Variants in HDLBP observed in about 807,000 individuals in gnomAD.
HDLBP encodes high density lipoprotein binding protein.
HDLBP carries 30 observed loss-of-function variants against 137.3 expected under a neutral mutation model. The observed-to-expected ratio is 0.22, with a 90% confidence interval of 0.16 to 0.30. The LOEUF (loss-of-function observed/expected upper bound fraction) is 0.30. Among genes scored for constraint, HDLBP ranks in the 10% least tolerant of loss-of-function variants. The pLI is 1.00. For missense variants in HDLBP, 1,119 were observed against 1,667.3 expected (o/e 0.67, Z 5.73); for synonymous variants, 606 against 596.0 (o/e 1.02, Z -0.24).
intron 24 of HDLBP, among the ~76,000 whole-genome samples, chr2:241,232,991 G>A (rs1191904309): frequency 1.4e-5 from 2 of 142,490 alleles, no homozygotes; most frequent in Non-Finnish European, 3.1e-5. Flanking sequence ...GGAAGAAGGG[G>A]AAGGGGAAGG....
intron 1 of HDLBP, among the ~76,000 whole-genome samples, chr2:241,292,531 A>G (rs2075043025): frequency 6.6e-6 from 1 of 152,212 alleles, no homozygotes; most frequent in African/African-American, 2.4e-5. Flanking sequence ...CAGAATAAAT[A>G]TTAGATAATA....
Position 241,255,038 on chromosome 2 carries a change from A to T in HDLBP, c.1188+13T>A. On this transcript the variant is annotated intron_variant, in intron 9 of 27. Coordinates refer to ENST00000310931, the MANE Select transcript of HDLBP (RefSeq NM_005336.6). ...GACAAATTCAATACAACAGGTGAAA[A>T]ACGTGTCCTTACCTTTGGCATCTGC... The T allele has an allele frequency of 6.4e-7, 1 of 1,570,390 alleles. No homozygotes were observed. The highest frequency in any genetic ancestry group is 8.8e-7 in the Non-Finnish European group (1 of 1,140,168).
rs2069358389 is a variant in HDLBP at position 241,228,625 on chromosome 2, T to G, written c.*976A>C. 6.6e-6 allele frequency: 1 copy of G among 152,178 alleles called. No individual in the cohort carries two copies. The highest frequency in any genetic ancestry group is 2.1e-4 in the South Asian group (1 of 4,804). The allele number at this position is 152,178 out of a possible 1,614,324, so 9.4% of individuals were successfully genotyped here. A position where few individuals can be genotyped will look rare whatever the true frequency, so the allele number is the denominator to read the frequency against. ...GGGAAACCCATAACCACCAGAAACA[T>G]CTCAATCAAGAGACGGGTGTGTGGG... On this transcript the variant is annotated 3_prime_UTR_variant, in exon 28 of 28. Transcript: ENST00000310931.
At chr2:241,245,301 A>C (rs529825607) in intron 16 of HDLBP, among the ~76,000 whole-genome samples, 2 of 151,820 alleles carry the variant, frequency 1.3e-5, no homozygotes, top group Admixed American at 1.3e-4. Flanking sequence ...CTCTCACCTC[A>C]ACCTCCTGAG....
At chr2:241,255,670 A>G (rs1050913801) in intron 7 of HDLBP, 90 bp from the exon 8 acceptor site, 6 of 969,172 alleles carry the variant, frequency 6.2e-6, no homozygotes, top group Non-Finnish European at 1.0e-5. Context: ...AGCAAGCCAA[A>G]GCGGCCCAGA....
At chr2:241,301,613 C>T (rs189075696) in intron 1 of HDLBP, among the ~76,000 whole-genome samples, 89 of 152,112 alleles carry the variant, frequency 5.9e-4, no homozygotes, top group Non-Finnish European at 1.1e-3. Context: ...ATAAAGAAGA[C>T]AAAGCAAAGG....
At chr2:241,312,655 CAA>C (rs1021490418) in intron 1 of HDLBP, among the ~76,000 whole-genome samples, 20 of 152,218 alleles carry the variant, frequency 1.3e-4, no homozygotes, top group African/African-American at 4.6e-4. Context: ...TACTTCTTAC[CAA>C]AAGAGGGAAA....
At chr2:241,258,095 AT>A (rs1167788450) in intron 5 of HDLBP, among the ~76,000 whole-genome samples, 2 of 152,112 alleles carry the variant, frequency 1.3e-5, no homozygotes, top group Non-Finnish European at 2.9e-5. Context: ...TTCTACAAAA[AT>A]TTTAAAAATA....
chr2:241,258,066 C>A (rs1370350749), intron 5 of HDLBP, among the ~76,000 whole-genome samples: 3 of 152,084 alleles, frequency 2.0e-5, no homozygotes, highest in Admixed American at 6.6e-5. Context: ...TCAGCCTGGG[C>A]AACATGGTGA....
At chr2:241,273,676 C>G (rs2074278909) in intron 1 of HDLBP, 1 of 984,900 alleles carries the variant, frequency 1.0e-6, no homozygotes, top group African/African-American at 1.7e-5. Flanking sequence ...GGCACAGGAT[C>G]AACTACAGGT....
chr2:241,283,369 A>G (rs1322000574), intron 1 of HDLBP, among the ~76,000 whole-genome samples: 1 of 152,244 alleles, frequency 6.6e-6, no homozygotes, highest in African/African-American at 2.4e-5. Flanking sequence ...GATTTAGCTA[A>G]GGTCACTGAT....
intron 20 of HDLBP, among the ~76,000 whole-genome samples, chr2:241,236,984 G>T (rs201381023): frequency 0.033 from 4,950 of 148,318 alleles, 676 homozygotes; most frequent in Admixed American, 0.19. Flanking sequence ...CCTTGGGGGG[G>T]GGGGGGGGGG....
At chr2:241,314,426 A>G (rs2075914627) in intron 1 of HDLBP, among the ~76,000 whole-genome samples, 1 of 152,208 alleles carries the variant, frequency 6.6e-6, no homozygotes, top group East Asian at 1.9e-4. Context: ...AGCTGCTAAG[A>G]AAGTGACTAT....
intron 10 of HDLBP, 144 bp from the exon 11 acceptor site, chr2:241,253,179 A>G (rs1005083038): frequency 1.2e-5 from 8 of 671,532 alleles, no homozygotes; most frequent in Non-Finnish European, 2.2e-5. Flanking sequence ...TCTCCCCTGA[A>G]AGATGCCTTC....
intron 1 of HDLBP, among the ~76,000 whole-genome samples, chr2:241,292,781 G>C (rs1169690060): frequency 1.3e-5 from 2 of 152,264 alleles, no homozygotes; most frequent in East Asian, 3.9e-4. Flanking sequence ...CTTTTATTTT[G>C]TGGTATATTT....
chr2:241,229,990 C>G, intron 26 of HDLBP, 29 bp from the exon 27 acceptor site: 1 of 1,579,274 alleles, frequency 6.3e-7, no homozygotes, highest in Non-Finnish European at 8.6e-7. Context: ...AAGACAGGGT[C>G]AGTCTGCCCA....
intron 1 of HDLBP, among the ~76,000 whole-genome samples, chr2:241,288,908 G>A (rs1291123705): frequency 3.3e-5 from 5 of 152,036 alleles, no homozygotes; most frequent in African/African-American, 1.2e-4. Context: ...TAAACTACAA[G>A]AAACAAAATA....
intron 1 of HDLBP, chr2:241,279,893 G>C: frequency 1.0e-6 from 1 of 984,452 alleles, no homozygotes; most frequent in African/African-American, 1.7e-5. Context: ...TGGATAAACA[G>C]AGGTATACAA....
chr2:241,237,342 G>A (rs1426015223), intron 20 of HDLBP, among the ~76,000 whole-genome samples: 6 of 152,194 alleles, frequency 3.9e-5, no homozygotes, highest in Non-Finnish European at 8.8e-5. Context: ...GGACACAGAA[G>A]ACAGCTGGAG....
Sources: gnomAD v4.1 joint callset for allele counts (sites outside exome capture counted in the v4.1 genomes callset) on GRCh38, gnomAD v4.1.1 for gene constraint, MANE v1.5 for transcripts, NCBI Gene and HGNC (gene_info 2026-07-23, HGNC 2026-07-21) for gene names.